ROBO1: variants seen among roughly 807,000 people sequenced by gnomAD.
The protein encoded by ROBO1 is roundabout guidance receptor 1.
ROBO1 carries 149 observed loss-of-function variants against 195.9 expected under a neutral mutation model. That is an observed-to-expected ratio of 0.76 (90% confidence interval 0.67 to 0.87). ROBO1 has a LOEUF of 0.87. Among genes scored for constraint, ROBO1 ranks in the 40% least tolerant of loss-of-function variants. The pLI is 0.00. For synonymous variants in ROBO1, 816 were observed against 733.2 expected (o/e 1.11, Z -1.82); for missense variants, 1,933 against 2,068.3 (o/e 0.93, Z 1.27).
chr3:78,819,921 C>T (rs2030689376), intron 4 of ROBO1, among the ~76,000 whole-genome samples: 1 of 152,088 alleles, frequency 6.6e-6, no homozygotes, highest in Non-Finnish European at 1.5e-5. Flanking sequence ...AAAAATGACT[C>T]CATTTTTCCT....
intron 3 of ROBO1, chr3:79,018,949 C>T (rs913004488): frequency 7.1e-6 from 7 of 988,356 alleles, no homozygotes; most frequent in Non-Finnish European, 8.4e-6. Context: ...GCGGGCCACC[C>T]GCGGCGGCGG....
intron 2 of ROBO1, among the ~76,000 whole-genome samples, chr3:79,444,417 T>G (rs565314538): frequency 4.3e-4 from 66 of 152,120 alleles, no homozygotes; most frequent in Non-Finnish European, 6.9e-4. Flanking sequence ...GGATAGTATT[T>G]CAAATTGACC....
At chr3:78,881,354 C>CA (rs2036170089) in intron 4 of ROBO1, among the ~76,000 whole-genome samples, 1 of 152,122 alleles carries the variant, frequency 6.6e-6, no homozygotes, top group Admixed American at 6.6e-5. Context: ...GCGCTTTTCA[C>CA]AACAAACATT....
intron 2 of ROBO1, among the ~76,000 whole-genome samples, chr3:79,342,212 G>A (rs2034934654): frequency 6.6e-6 from 1 of 152,142 alleles, no homozygotes; most frequent in Non-Finnish European, 1.5e-5. Context: ...GATATGGTAG[G>A]AGTAGCTGAT....
chr3:79,703,424 A>C (rs550169892), intron 1 of ROBO1, among the ~76,000 whole-genome samples: 1 of 151,856 alleles, frequency 6.6e-6, no homozygotes. Flanking sequence ...TGAAAATAAT[A>C]ACTATTTTTA....
chr3:78,715,755 C>T (rs1303524076), intron 7 of ROBO1, among the ~76,000 whole-genome samples: 4 of 152,090 alleles, frequency 2.6e-5, no homozygotes, highest in African/African-American at 9.7e-5. Context: ...AGGCTGGTCT[C>T]GAACTCCTGA....
At position 78,633,899 on chromosome 3, in the gene ROBO1, T is replaced by A. The variant is rs771566503; in HGVS notation, c.3481+36A>T. On this transcript the variant is annotated intron_variant, in intron 24 of 30. Coordinates refer to ENST00000464233, the MANE Select transcript of ROBO1 (RefSeq NM_002941.4). Reference sequence around the variant, plus strand: ...TTTGTAATCTTGGAAAGTACCAGCTTTTTAAAGGAGAAGTTCTTTGGTTCA... The same window carrying A: ...TTTGTAATCTTGGAAAGTACCAGCTATTTAAAGGAGAAGTTCTTTGGTTCA... The A allele has an allele frequency of 9.1e-6, 13 of 1,425,010 alleles. No homozygotes were observed. In the African/African-American group the frequency reaches 1.6e-4, roughly 17 times the overall value. 88.3% of individuals were successfully genotyped at this position (1,425,010 alleles called of 1,614,324 possible).
At chr3:78,802,412 A>G (rs1434473835) in intron 4 of ROBO1, among the ~76,000 whole-genome samples, 2 of 152,184 alleles carry the variant, frequency 1.3e-5, no homozygotes, top group East Asian at 3.9e-4. Flanking sequence ...TCTTTAGCAC[A>G]TGAAGGAGCA....
chr3:79,683,311 A>G (rs1198777672), intron 1 of ROBO1, among the ~76,000 whole-genome samples: 2 of 152,032 alleles, frequency 1.3e-5, no homozygotes, highest in African/African-American at 2.4e-5. Flanking sequence ...TAATAAGTAT[A>G]TAACTCTAAA....
chr3:78,891,637 T>G (rs1470113592), intron 4 of ROBO1, among the ~76,000 whole-genome samples: 3 of 152,220 alleles, frequency 2.0e-5, no homozygotes, highest in Non-Finnish European at 2.9e-5. Flanking sequence ...AATGCTTGTA[T>G]GATAATGTGT....
intron 1 of ROBO1, among the ~76,000 whole-genome samples, chr3:79,607,280 T>TA (rs1215430201): frequency 6.6e-6 from 1 of 151,342 alleles, no homozygotes; most frequent in African/African-American, 2.4e-5. Flanking sequence ...ATAAATTATA[T>TA]AAAAATAATC....
chr3:78,748,493 G>T (rs1457992782), intron 4 of ROBO1, among the ~76,000 whole-genome samples: 5 of 151,814 alleles, frequency 3.3e-5, no homozygotes, highest in Admixed American at 6.6e-5. Flanking sequence ...ATTTTTAAAA[G>T]AATATTTGAA....
In ROBO1 at chr3:78,846,502, G is replaced by T. The variant is rs75331869; in HGVS notation, c.499+92099C>A. On this transcript the variant is annotated intron_variant, in intron 4 of 30. Transcript: ENST00000464233. ...AATCAATATCATCTTTATTTTTCAC[G>T]ATGGCATCTTTTCACATTTTATTTT... Among the ~76,000 whole-genome samples the T allele has an allele frequency of 1.0e-3, 152 of 151,998 alleles. 4 individuals are homozygous for T. The East Asian group carries it at 0.027, about 27-fold the overall frequency.
chr3:79,288,470 T>TA (rs1348648096), intron 2 of ROBO1, among the ~76,000 whole-genome samples: 1 of 152,176 alleles, frequency 6.6e-6, no homozygotes, highest in Non-Finnish European at 1.5e-5. Context: ...ATTCTAAACT[T>TA]ACGATTTCTT....
At chr3:78,915,805 G>A (rs924441382) in intron 4 of ROBO1, among the ~76,000 whole-genome samples, 1 of 151,986 alleles carries the variant, frequency 6.6e-6, no homozygotes, top group African/African-American at 2.4e-5. Flanking sequence ...CTAGGTGTGC[G>A]TCATCATGCC....
At chr3:78,600,377 CCTGT>C (rs1575753743) in intron 29 of ROBO1, 68 bp from the exon 30 acceptor site, 13 of 996,560 alleles carry the variant, frequency 1.3e-5, no homozygotes, top group East Asian at 1.2e-4. Context: ...TTGTATCACT[CCTGT>C]CTATCTGTAA....
chr3:78,701,523 G>A (rs77107507), intron 8 of ROBO1, among the ~76,000 whole-genome samples: 2 of 152,056 alleles, frequency 1.3e-5, no homozygotes, highest in African/African-American at 4.8e-5. Flanking sequence ...ATGATTTAAT[G>A]TTTATTCTCA....
intron 1 of ROBO1, among the ~76,000 whole-genome samples, chr3:79,767,307 A>G (rs1359657241): frequency 1.3e-5 from 2 of 152,068 alleles, no homozygotes; most frequent in Non-Finnish European, 2.9e-5. Context: ...CCAGCCCACT[A>G]CACCGCTGAT....
At chr3:79,593,136 C>A (rs760846408) in intron 1 of ROBO1, among the ~76,000 whole-genome samples, 7 of 151,942 alleles carry the variant, frequency 4.6e-5, no homozygotes, top group African/African-American at 1.7e-4. Flanking sequence ...GGATGTACCA[C>A]GGTTTATTTA....
Sources: allele counts gnomAD v4.1 joint callset (sites outside exome capture counted in the v4.1 genomes callset), GRCh38; gene constraint gnomAD v4.1.1; transcripts MANE v1.5; gene names NCBI Gene and HGNC (gene_info 2026-07-23, HGNC 2026-07-21).